Variants in SP110 observed in about 807,000 individuals in gnomAD.
The protein encoded by SP110 is interferon-induced protein 41, 30kD.
In SP110, 62 loss-of-function variants were observed where a neutral mutation model predicts 92.7. The observed-to-expected ratio is 0.67, with a 90% CI of 0.55 to 0.83. SP110 has a LOEUF of 0.83. SP110 is among the 40% of genes least tolerant of loss of function. SP110 has a pLI of 0.00. For synonymous variants in SP110, 273 were observed against 305.3 expected (o/e 0.89, Z 1.10); for missense variants, 793 against 863.9 (o/e 0.92, Z 1.03).
At chr2:230,212,692 T>A in intron 4 of SP110, 69 bp downstream of exon 4, 1 of 1,579,854 alleles carries the variant, frequency 6.3e-7, no homozygotes, top group Non-Finnish European at 8.7e-7. Flanking sequence ...GATGCTGGGA[T>A]TGGCGGCAAC....
chr2:230,172,618 G>A, intron 15 of SP110: 1 of 566,956 alleles, frequency 1.8e-6, no homozygotes, highest in East Asian at 3.0e-5. Flanking sequence ...TTTTGGACAG[G>A]AGTCCCTGCT....
intron 10 of SP110, among the ~76,000 whole-genome samples, chr2:230,192,242 T>G (rs2042668349): frequency 6.6e-6 from 1 of 152,212 alleles, no homozygotes; most frequent in Non-Finnish European, 1.5e-5. Flanking sequence ...GGATGCCCTC[T>G]CTCACCATTC....
At chr2:230,212,647 G>A in intron 4 of SP110, 114 bp downstream of exon 4, 3 of 1,387,790 alleles carry the variant, frequency 2.2e-6, no homozygotes, top group Non-Finnish European at 3.1e-6. Flanking sequence ...TTGGGTAGAT[G>A]GGTGCAAGAG....
rs778905046 is a variant in SP110 at position 230,216,928 on chromosome 2, C to A, written c.-1G>T. 2 of 1,613,130 alleles carry A rather than the reference C, an allele frequency of 1.2e-6. No homozygotes were observed. Among genetic ancestry groups the A allele is most frequent in the Non-Finnish European group, 1.7e-6 (2 of 1,179,786 alleles). On this transcript the variant is annotated splice_region_variant and 5_prime_UTR_variant, in exon 2 of 19. Transcript: ENST00000258381. ...CCATGGCTCTTGTCATGGTGAACAT[C>A]CTATGGAAAGAGGCATGATAAAAAA... is the stretch of plus-strand genomic sequence containing the variant.
chr2:230,186,548 T>A (rs1316206455), intron 10 of SP110, among the ~76,000 whole-genome samples: 1 of 152,220 alleles, frequency 6.6e-6, no homozygotes, highest in Non-Finnish European at 1.5e-5. Context: ...ACAAGTGGTT[T>A]TTGGTTACAT....
chr2:230,219,879 CTTTGAG>C lies in SP110; in HGVS notation c.-13_-8del, dbSNP rs1393326765. The C allele has an allele frequency of 7.1e-6, 7 of 980,134 alleles. No homozygotes were observed. In the South Asian group the frequency reaches 1.4e-4, roughly 20 times the overall value. 60.7% of individuals were successfully genotyped at this position (980,134 alleles called of 1,614,324 possible). ...CAGCAAAGACAGAAACTCACCTGGACTTTGAGTTTGTCGTTCCTGCCCCTTTCCAGG... is the reference window on the plus strand; with the variant it reads ...CAGCAAAGACAGAAACTCACCTGGACTTTGTCGTTCCTGCCCCTTTCCAGG... On this transcript the variant is annotated 5_prime_UTR_variant, in exon 1 of 19. Transcript: ENST00000258381.
chr2:230,194,682 C>A (rs1202171296), intron 10 of SP110, among the ~76,000 whole-genome samples: 2 of 152,178 alleles, frequency 1.3e-5, no homozygotes, highest in Non-Finnish European at 1.5e-5. Context: ...GACTCCAAAT[C>A]TAATCCAGTT....
Position 230,172,017 on chromosome 2 carries a change from C to T in SP110, c.1815+49G>A, listed in dbSNP as rs886653920. On this transcript the variant is annotated intron_variant, in intron 16 of 18. Transcript: ENST00000258381. ...CCTGACCCTGTGCCTGTTTGTGCTTCTCGTGTGAGAAGGGAAAAGTATAGG... is the reference window on the plus strand; with the variant it reads ...CCTGACCCTGTGCCTGTTTGTGCTTTTCGTGTGAGAAGGGAAAAGTATAGG... 7.8e-6 allele frequency: 9 copies of T among 1,160,100 alleles called. No homozygotes were observed. The African/African-American group carries it at 1.2e-4, about 16-fold the overall frequency. 71.9% of individuals were successfully genotyped at this position (1,160,100 alleles called of 1,614,324 possible).
chr2:230,222,091 G>A (rs10187268), upstream of SP110, among the ~76,000 whole-genome samples: 1,785 of 152,234 alleles, frequency 0.012, 33 homozygotes, highest in African/African-American at 0.04. Flanking sequence ...TTAGCTGGGC[G>A]TGGTGGCACA....
At chr2:230,210,247 C>T (rs2044317399) in intron 6 of SP110, among the ~76,000 whole-genome samples, 2 of 152,068 alleles carry the variant, frequency 1.3e-5, no homozygotes, top group Non-Finnish European at 2.9e-5. Context: ...TCAGTCTGAT[C>T]CTTTTAGAGA....
intron 3 of SP110, 119 bp from the exon 4 acceptor site, chr2:230,213,146 C>A: frequency 1.0e-6 from 1 of 972,626 alleles, no homozygotes; most frequent in Non-Finnish European, 1.6e-6. Context: ...CATTGTCCCC[C>A]AGGTGCAGAG....
At chr2:230,185,328 G>T (rs942470104) in intron 11 of SP110, among the ~76,000 whole-genome samples, 3 of 152,194 alleles carry the variant, frequency 2.0e-5, no homozygotes, top group African/African-American at 4.8e-5. Flanking sequence ...CTTCTGAGGA[G>T]GTGGGGCACT....
intron 15 of SP110, chr2:230,172,518 G>A (rs951808302): frequency 1.9e-6 from 1 of 528,366 alleles, no homozygotes; most frequent in Non-Finnish European, 3.4e-6. Flanking sequence ...TCAGCCAGGT[G>A]AGACTATGGT....
chr2:230,176,855 A>G (rs1461330022), intron 14 of SP110: 1 of 919,034 alleles, frequency 1.1e-6, no homozygotes, highest in Non-Finnish European at 1.7e-6. Flanking sequence ...AGAAGTCAAA[A>G]AGAAAAATTA....
intron 8 of SP110, among the ~76,000 whole-genome samples, chr2:230,204,652 A>G (rs1201525754): frequency 6.6e-6 from 1 of 151,982 alleles, no homozygotes; most frequent in African/African-American, 2.4e-5. Flanking sequence ...GTGCCAGGAC[A>G]TTACCATCTA....
At position 230,177,524 on chromosome 2, in the gene SP110, C is replaced by T. The variant is rs774584382; in HGVS notation, c.1590+14G>A. 1.5e-5 allele frequency: 25 copies of T among 1,613,662 alleles called. No homozygotes were observed. Among genetic ancestry groups the T allele is most frequent in the Middle Eastern group, 1.6e-4 (1 of 6,062 alleles). ...ATTTAAACCTGTCACCTATCTGTCC[C>T]GTCATTATAATACCTTCAGCAGCTC... is the stretch of plus-strand genomic sequence containing the variant. On this transcript the variant is annotated intron_variant, in intron 14 of 18. Transcript: ENST00000258381.
intron 10 of SP110, among the ~76,000 whole-genome samples, chr2:230,196,519 T>C (rs1223867104): frequency 5.3e-5 from 8 of 150,222 alleles, no homozygotes; most frequent in African/African-American, 1.7e-4. Context: ...TGTTTAACTT[T>C]ATGATTTATA....
At chr2:230,203,700 A>G (rs1048149381) in intron 8 of SP110, 3 of 152,218 alleles carry the variant, frequency 2.0e-5, no homozygotes, top group Non-Finnish European at 4.4e-5. Context: ...TGTGGTATGT[A>G]TATTTTCAGC....
rs13018234 is a variant in SP110, at chr2:230,172,150, G to A, written c.1731C>T (p.Cys577=). ...GGCTTCCTGAAGACCTCTTCATCCT[G>A]CAGAAGGTGCAACTCCACAGCATCC... is the stretch of plus-strand genomic sequence containing the variant. ...AKRMLWSCTF[C]RMKRSSGSQQ... is the part of the protein sequence containing the mutation. Residue 577 remains cysteine, a synonymous_variant, in exon 16 of 19, where the codon TGC becomes TGT. Transcript: ENST00000258381. 0.11 allele frequency: 179,390 copies of A among 1,608,768 alleles called. 10,935 individuals are homozygous for A. Among genetic ancestry groups the A allele is most frequent in the Non-Finnish European group, 0.12 (145,240 of 1,175,022 alleles).
Sources: allele counts gnomAD v4.1 joint callset (sites outside exome capture counted in the v4.1 genomes callset), GRCh38; gene constraint gnomAD v4.1.1; transcripts MANE v1.5; gene names NCBI Gene and HGNC (gene_info 2026-07-23, HGNC 2026-07-21).